GGACT: variants seen among roughly 807,000 people sequenced by gnomAD.
The protein encoded by GGACT is gamma-glutamylaminecyclotransferase.
For missense variants in GGACT, 241 were observed against 233.2 expected (o/e 1.03, Z -0.22); for synonymous variants, 118 against 115.3 (o/e 1.02, Z -0.15).
chr13:100,557,584 T>C (rs1049679190), intron 2 of GGACT, among the ~76,000 whole-genome samples: 1 of 151,978 alleles, frequency 6.6e-6, no homozygotes, highest in African/African-American at 2.4e-5. Context: ...AAAAATAGAT[T>C]TTTAAAAACC....
chr13:100,539,759 G>A, intron 2 of GGACT: 1 of 635,376 alleles, frequency 1.6e-6, no homozygotes, highest in South Asian at 1.9e-5. Flanking sequence ...AGGAGGACTG[G>A]TGTGAATTCT....
chr13:100,574,845 TC>T (rs1205885430), intron 2 of GGACT, among the ~76,000 whole-genome samples: 2 of 151,814 alleles, frequency 1.3e-5, no homozygotes, highest in African/African-American at 4.8e-5. Flanking sequence ...CTCCAGAATA[TC>T]ATATAATATA....
intron 2 of GGACT, among the ~76,000 whole-genome samples, chr13:100,559,720 C>T (rs1285031470): frequency 6.6e-6 from 1 of 152,132 alleles, no homozygotes; most frequent in East Asian, 1.9e-4. Context: ...GTCTCCAACT[C>T]CTGACCTCAA....
chr13:100,540,259 C>T (rs183856754), intron 2 of GGACT: 234 of 1,232,530 alleles, frequency 1.9e-4, no homozygotes, highest in East Asian at 5.3e-4. Context: ...CTTGGAGGCA[C>T]GGACCGGAGA....
intron 2 of GGACT, among the ~76,000 whole-genome samples, chr13:100,544,354 G>A (rs375630674): frequency 2.6e-5 from 4 of 152,220 alleles, no homozygotes; most frequent in East Asian, 1.9e-4. Context: ...CGCGCGGCTC[G>A]GGGCAACGTG....
chr13:100,546,546 C>T (rs2088606933), intron 2 of GGACT, among the ~76,000 whole-genome samples: 1 of 151,856 alleles, frequency 6.6e-6, no homozygotes, highest in Non-Finnish European at 1.5e-5. Flanking sequence ...TGCGGTGGCT[C>T]ATGCCTGTAA....
At chr13:100,572,467 G>A (rs1455640808) in intron 2 of GGACT, among the ~76,000 whole-genome samples, 2 of 152,202 alleles carry the variant, frequency 1.3e-5, no homozygotes, top group African/African-American at 4.8e-5. Context: ...TCTCAAGGTT[G>A]GTTGCACAAC....
chr13:100,530,572 A>C lies in GGACT; in HGVS notation c.*1558T>G, dbSNP rs981014711. On this transcript the variant is annotated 3_prime_UTR_variant, in exon 3 of 3. Coordinates refer to ENST00000683975, the MANE Select transcript of GGACT (RefSeq NM_001195087.2). ...AGTCAGTTCTCTGCCTTGCTTTATT[A>C]AATTAGCACTTGCCATTTTTTCATC... is the stretch of plus-strand genomic sequence containing the variant. 14 of 298,022 alleles carry C rather than the reference A, an allele frequency of 4.7e-5. No individual in the cohort carries two copies. Among genetic ancestry groups the C allele is most frequent in the Non-Finnish European group, 7.7e-5 (12 of 155,876 alleles). 18.5% of individuals were successfully genotyped at this position (298,022 alleles called of 1,614,324 possible). A position where few individuals can be genotyped will look rare whatever the true frequency, so the allele number is the denominator to read the frequency against.
At position 100,530,451 on chromosome 13, in the gene GGACT, TC is replaced by T; in HGVS notation, c.*1678del. ...TTTGTCTAAATATTAGTTTGCCCTTTCTTTGAATGAAGACAATGTACACATA... is the reference window on the plus strand; with the variant it reads ...TTTGTCTAAATATTAGTTTGCCCTTTTTTGAATGAAGACAATGTACACATA... On this transcript the variant is annotated 3_prime_UTR_variant, in exon 3 of 3. Transcript: ENST00000683975. The T allele has an allele frequency of 1.9e-6, 1 of 519,616 alleles. No homozygotes were observed. The highest frequency in any genetic ancestry group is 3.5e-6 in the Non-Finnish European group (1 of 287,108). 32.2% of individuals were successfully genotyped at this position (519,616 alleles called of 1,614,324 possible).
At chr13:100,546,294 G>A (rs1203021205) in intron 2 of GGACT, among the ~76,000 whole-genome samples, 1 of 150,848 alleles carries the variant, frequency 6.6e-6, no homozygotes, top group African/African-American at 2.4e-5. Context: ...CCCGGTAGGC[G>A]GAGCTTGCAG....
intron 2 of GGACT, chr13:100,539,720 CCTT>C (rs1427180742): frequency 1.3e-5 from 8 of 606,000 alleles, no homozygotes; most frequent in Admixed American, 6.2e-5. Flanking sequence ...CTGAAATGTT[CCTT>C]CTTCTTCATT....
chr13:100,567,529 T>C (rs1214618769), intron 2 of GGACT, among the ~76,000 whole-genome samples: 1 of 152,222 alleles, frequency 6.6e-6, no homozygotes, highest in East Asian at 1.9e-4. Flanking sequence ...AAGGAGCTCT[T>C]GTTCTCTTGT....
intron 2 of GGACT, among the ~76,000 whole-genome samples, chr13:100,577,455 A>AATAAATAAAT (rs1875285958): frequency 6.6e-6 from 1 of 151,488 alleles, no homozygotes; most frequent in East Asian, 1.9e-4. Flanking sequence ...ATAAATAAAA[A>AATAAATAAAT]GAAAAAGAAA....
intron 2 of GGACT, among the ~76,000 whole-genome samples, chr13:100,571,670 C>T (rs1235601912): frequency 6.6e-6 from 1 of 152,116 alleles, no homozygotes; most frequent in Non-Finnish European, 1.5e-5. Flanking sequence ...AAAACCCTGC[C>T]GTGTTTCAGC....
intron 2 of GGACT, among the ~76,000 whole-genome samples, chr13:100,567,043 G>A (rs1028421095): frequency 3.9e-5 from 6 of 152,122 alleles, no homozygotes; most frequent in South Asian, 2.1e-4. Flanking sequence ...GATTAGATTC[G>A]GATGGTATAT....
In GGACT at chr13:100,531,265, G is replaced by GTTTGTT. The variant is rs1174575451; in HGVS notation, c.*864_*865insAACAAA. The GTTTGTT allele has an allele frequency of 6.6e-6, 1 of 152,072 alleles. No homozygotes were observed. The highest frequency in any genetic ancestry group is 1.5e-5 in the Non-Finnish European group (1 of 68,014). The allele number at this position is 152,072 out of a possible 1,614,324, so 9.4% of individuals were successfully genotyped here. On this transcript the variant is annotated 3_prime_UTR_variant, in exon 3 of 3. Coordinates refer to ENST00000683975, the MANE Select transcript of GGACT (RefSeq NM_001195087.2). ...CCTTGCTAAAATTATTTTAAGTGCT[G>GTTTGTT]TTTGTATTTGGAAGCTAAGCTTCTG...
At chr13:100,533,142 A>C (rs2088440383) in intron 2 of GGACT, 1 of 161,048 alleles carries the variant, frequency 6.2e-6, no homozygotes, top group Non-Finnish European at 1.4e-5. Flanking sequence ...TGAGGGCACC[A>C]GCCTTCCACC....
intron 2 of GGACT, among the ~76,000 whole-genome samples, chr13:100,557,019 A>G (rs2088714791): frequency 6.6e-6 from 1 of 152,114 alleles, no homozygotes; most frequent in African/African-American, 2.4e-5. Flanking sequence ...CCTCCCAAGC[A>G]GCTGGGACTA....
intron 2 of GGACT, among the ~76,000 whole-genome samples, chr13:100,548,569 C>T (rs9554704): frequency 0.02 from 3,113 of 152,282 alleles, 89 homozygotes; most frequent in East Asian, 0.15. Context: ...CTTGGGCCAG[C>T]GCGCCCTGTA....
Sources: allele counts gnomAD v4.1 joint callset (sites outside exome capture counted in the v4.1 genomes callset), GRCh38; gene constraint gnomAD v4.1.1; transcripts MANE v1.5; gene names NCBI Gene and HGNC (gene_info 2026-07-23, HGNC 2026-07-21).